The following PTPRD variants were observed in gnomAD, a reference collection of about 807,000 sequenced individuals.
PTPRD encodes protein tyrosine phosphatase receptor type D, also known as receptor-type tyrosine-protein phosphatase delta.
A neutral mutation model predicts 214.5 loss-of-function variants in PTPRD; 34 were observed. That is an observed-to-expected ratio of 0.16 (90% CI 0.12 to 0.21). PTPRD has a LOEUF of 0.21. Ranked by LOEUF, PTPRD falls within the 10% of genes least tolerant of loss-of-function variation. PTPRD has a pLI of 1.00. For missense variants in PTPRD, 2,545 were observed against 2,398.7 expected, an observed-to-expected ratio of 1.06 and a Z score of -1.27; for synonymous variants, 1,128 against 845.7, an observed-to-expected ratio of 1.33 and a Z score of -5.79.
chr9:9,308,940 A>G (rs1007588547), intron 9 of PTPRD, among the ~76,000 whole-genome samples: 1 of 152,158 alleles, frequency 6.6e-6, no homozygotes, highest in African/African-American at 2.4e-5. Flanking sequence ...AGATTTATAT[A>G]CTAGCACATT....
At chr9:9,786,825 C>A (rs1768879) in intron 5 of PTPRD, among the ~76,000 whole-genome samples, 2 of 151,922 alleles carry the variant, frequency 1.3e-5, no homozygotes, top group African/African-American at 2.4e-5. Context: ...CATCTTAATA[C>A]TAATTTTTAT....
At chr9:9,785,186 T>C (rs2098912313) in intron 5 of PTPRD, among the ~76,000 whole-genome samples, 1 of 151,924 alleles carries the variant, frequency 6.6e-6, no homozygotes, top group African/African-American at 2.4e-5. Context: ...ATAATAAATA[T>C]AGAAAGGATC....
At chr9:9,955,717 G>A (rs2093864120) in intron 4 of PTPRD, among the ~76,000 whole-genome samples, 2 of 152,020 alleles carry the variant, frequency 1.3e-5, no homozygotes, top group East Asian at 1.9e-4. Flanking sequence ...TAGAGACAGG[G>A]TTTCACCGTG....
At chr9:9,470,206 A>G (rs2094495470) in intron 8 of PTPRD, among the ~76,000 whole-genome samples, 2 of 152,118 alleles carry the variant, frequency 1.3e-5, no homozygotes, top group African/African-American at 4.8e-5. Flanking sequence ...TATTAGATTT[A>G]TATTTGTATG....
chr9:8,954,974 T>G (rs2099123524), intron 11 of PTPRD, among the ~76,000 whole-genome samples: 1 of 151,916 alleles, frequency 6.6e-6, no homozygotes, highest in Admixed American at 6.6e-5. Flanking sequence ...TGTAGTCTTG[T>G]GAAATGTCTG....
chr9:8,904,596 C>T (rs61618103), intron 11 of PTPRD, among the ~76,000 whole-genome samples: 8,378 of 150,272 alleles, frequency 0.056, 739 homozygotes, highest in African/African-American at 0.19. Context: ...CGCTTGAACC[C>T]GGGAGGCAAA....
chr9:10,161,906 G>C (rs2099129330), intron 3 of PTPRD, among the ~76,000 whole-genome samples: 1 of 151,324 alleles, frequency 6.6e-6, no homozygotes, highest in Non-Finnish European at 1.5e-5. Context: ...TTTCTCAAAA[G>C]AAAACATACA....
intron 11 of PTPRD, among the ~76,000 whole-genome samples, chr9:8,868,073 T>C (rs2098229918): frequency 6.6e-6 from 1 of 152,206 alleles, no homozygotes; most frequent in Non-Finnish European, 1.5e-5. Context: ...ACCCGTAGAA[T>C]GATGGTTCAC....
At chr9:10,174,274 G>C (rs556052973) in intron 3 of PTPRD, among the ~76,000 whole-genome samples, 1 of 152,108 alleles carries the variant, frequency 6.6e-6, no homozygotes, top group East Asian at 1.9e-4. Flanking sequence ...TCCTTCCTTG[G>C]AACTGAGTGA....
At chr9:9,612,081 T>G (rs1020722098) in intron 7 of PTPRD, among the ~76,000 whole-genome samples, 1 of 152,134 alleles carries the variant, frequency 6.6e-6, no homozygotes, top group African/African-American at 2.4e-5. Context: ...TTGATAAATT[T>G]TATCTATATA....
rs575565102 is a variant in PTPRD, at chr9:8,356,164, A to G, written c.4662-14186T>C. Among the ~76,000 whole-genome samples the G allele has an allele frequency of 2.0e-5, 3 of 152,312 alleles. No individual in the cohort carries two copies. In the East Asian group the frequency reaches 5.8e-4, roughly 29 times the overall value. Reference sequence around the variant, plus strand: ...TCTCCAGATACCTGAAAATATATGGAATTATCTTGTAATAAAACTCAGATG... The same window carrying G: ...TCTCCAGATACCTGAAAATATATGGGATTATCTTGTAATAAAACTCAGATG... On this transcript the variant is annotated intron_variant, in intron 39 of 45. Coordinates refer to ENST00000381196, the MANE Select transcript of PTPRD (RefSeq NM_002839.4).
At chr9:9,212,447 G>C (rs1020720402) in intron 9 of PTPRD, among the ~76,000 whole-genome samples, 1 of 152,070 alleles carries the variant, frequency 6.6e-6, no homozygotes, top group Non-Finnish European at 1.5e-5. Context: ...TATTTAGTCA[G>C]TCTGTTTATA....
chr9:9,515,764 GA>G (rs2096822725), intron 8 of PTPRD, among the ~76,000 whole-genome samples: 1 of 151,864 alleles, frequency 6.6e-6, no homozygotes, highest in East Asian at 1.9e-4. Context: ...AAAAAAGTTT[GA>G]TGTTCTTAAG....
At chr9:9,754,960 G>C (rs1205967923) in intron 6 of PTPRD, among the ~76,000 whole-genome samples, 1 of 152,012 alleles carries the variant, frequency 6.6e-6, no homozygotes, top group African/African-American at 2.4e-5. Context: ...TTAAGGACTT[G>C]AAAGCTTCCA....
At chr9:8,904,862 A>G (rs1009904602) in intron 11 of PTPRD, among the ~76,000 whole-genome samples, 1 of 152,188 alleles carries the variant, frequency 6.6e-6, no homozygotes, top group Non-Finnish European at 1.5e-5. Context: ...CAACTCAACT[A>G]AATTTCATGT....
intron 11 of PTPRD, among the ~76,000 whole-genome samples, chr9:8,737,701 A>G (rs2154441475): frequency 6.6e-6 from 1 of 152,270 alleles, no homozygotes; most frequent in South Asian, 2.1e-4. Context: ...AGCAGGCTGG[A>G]GTGCAGTGGC....
intron 2 of PTPRD, among the ~76,000 whole-genome samples, chr9:10,582,487 T>C (rs939717389): frequency 6.6e-6 from 1 of 152,200 alleles, no homozygotes; most frequent in Non-Finnish European, 1.5e-5. Flanking sequence ...ACTTTATCCA[T>C]ATTATAAAAC....
At chr9:9,251,288 C>A (rs2099975387) in intron 9 of PTPRD, among the ~76,000 whole-genome samples, 1 of 152,012 alleles carries the variant, frequency 6.6e-6, no homozygotes, top group South Asian at 2.1e-4. Context: ...AAAGAATGTC[C>A]AACATTTCTC....
intron 2 of PTPRD, among the ~76,000 whole-genome samples, chr9:10,583,644 A>G (rs1477069973): frequency 6.6e-6 from 1 of 151,856 alleles, no homozygotes; most frequent in Non-Finnish European, 1.5e-5. Context: ...ACGCCCGGCT[A>G]ATTTTTTGTA....
Sources: gnomAD v4.1 joint callset for allele counts (sites outside exome capture counted in the v4.1 genomes callset) on GRCh38, gnomAD v4.1.1 for gene constraint, MANE v1.5 for transcripts, NCBI Gene and HGNC (gene_info 2026-07-23, HGNC 2026-07-21) for gene names.